RPL7: variants seen among roughly 807,000 people sequenced by gnomAD.
The protein encoded by RPL7 is ribosomal protein L7.
For synonymous variants in RPL7, 100 were observed against 102.2 expected (o/e 0.98, Z 0.13); for missense variants, 205 against 301.9 (o/e 0.68, Z 2.38).
rs1426928505 is a variant in RPL7 at position 73,290,304 on chromosome 8, A to G, written c.*403T>C. The G allele has an allele frequency of 1.3e-5, 2 of 152,258 alleles. No homozygotes were observed. The highest frequency in any genetic ancestry group is 2.9e-5 in the Non-Finnish European group (2 of 68,048). The allele number at this position is 152,258 out of a possible 1,614,324, so 9.4% of individuals were successfully genotyped here. A position where few individuals can be genotyped will look rare whatever the true frequency, so the allele number is the denominator to read the frequency against. On this transcript the variant is annotated 3_prime_UTR_variant, in exon 7 of 7. Transcript: ENST00000352983. ...TTTATAAACAAGCGAAGGCCCGAGA[A>G]ATAAATTTTAGCAACTAAATTCAAT...
At chr8:73,294,310 A>C (rs1410912066), upstream of RPL7, 1 of 152,752 alleles carries the variant, frequency 6.5e-6, no homozygotes, top group Non-Finnish European at 1.5e-5. Flanking sequence ...CGGCCGGAGG[A>C]GGATGGCCGG....
At chr8:73,292,007 G>C in intron 3 of RPL7, 97 bp from the exon 4 acceptor site, 1 of 1,456,302 alleles carries the variant, frequency 6.9e-7, no homozygotes, top group Non-Finnish European at 9.5e-7. Flanking sequence ...TACCTAAACA[G>C]ATAGGAATCC....
In RPL7 at chr8:73,292,974, C is replaced by A. The variant is rs533606494; in HGVS notation, c.15-177G>T. On this transcript the variant is annotated intron_variant, in intron 1 of 6. Transcript: ENST00000352983. ...GCATATTTTAGCTCCATGTCAATAACCTTTAACACCATGTTGCCTAAAACG... is the reference window on the plus strand; with the variant it reads ...GCATATTTTAGCTCCATGTCAATAAACTTTAACACCATGTTGCCTAAAACG... The A allele has an allele frequency of 6.6e-6, 3 of 454,722 alleles. No homozygotes were observed. In the South Asian group the frequency reaches 1.5e-4, roughly 23 times the overall value. The allele number at this position is 454,722 out of a possible 1,614,324, so 28.2% of individuals were successfully genotyped here. A position where few individuals can be genotyped will look rare whatever the true frequency, so the allele number is the denominator to read the frequency against.
At chr8:73,292,218 A>G (rs755801365) in intron 3 of RPL7, 21 bp downstream of exon 3, 2 of 1,596,200 alleles carry the variant, frequency 1.3e-6, no homozygotes, top group South Asian at 2.3e-5. Flanking sequence ...TCAAACCCGA[A>G]TGCAGTAAAA....
At chr8:73,292,492 T>C (rs1814126668) in intron 2 of RPL7, 87 bp from the exon 3 acceptor site, 2 of 1,301,524 alleles carry the variant, frequency 1.5e-6, no homozygotes, top group Admixed American at 4.4e-5. Flanking sequence ...ACAACATGTT[T>C]CCTTTAAATC....
upstream of RPL7, chr8:73,293,857 T>C: frequency 2.1e-6 from 1 of 478,348 alleles, no homozygotes; most frequent in South Asian, 2.1e-5. Flanking sequence ...GAGCAAAGAG[T>C]GCTGACACCT....
chr8:73,292,455 G>A (rs1814125151), intron 2 of RPL7, 50 bp from the exon 3 acceptor site: 1 of 1,490,316 alleles, frequency 6.7e-7, no homozygotes, highest in Non-Finnish European at 9.1e-7. Context: ...ATCACAATTA[G>A]CAATGCCAAT....
chr8:73,293,475 G>A (rs1223406096), intron 1 of RPL7, 124 bp downstream of exon 1: 2 of 1,243,644 alleles, frequency 1.6e-6, no homozygotes, highest in Non-Finnish European at 2.3e-6. Context: ...GTCACACAGC[G>A]TTCACAATCA....
At chr8:73,293,234 T>G in intron 1 of RPL7, 1 of 255,920 alleles carries the variant, frequency 3.9e-6, no homozygotes, top group Admixed American at 5.1e-5. Flanking sequence ...AGGATCCACA[T>G]GTTGAAAGCA....
At chr8:73,292,986 T>C (rs928908955) in intron 1 of RPL7, 189 bp from the exon 2 acceptor site, 2 of 438,084 alleles carry the variant, frequency 4.6e-6, no homozygotes, top group South Asian at 6.1e-5. Context: ...TTTAACACCA[T>C]GTTGCCTAAA....
chr8:73,292,433 AT>A, intron 2 of RPL7, 28 bp from the exon 3 acceptor site: 2 of 1,573,958 alleles, frequency 1.3e-6, no homozygotes, highest in African/African-American at 2.7e-5. Context: ...GTTATTCATA[AT>A]TTTTAGCTCA....
intron 2 of RPL7, 95 bp downstream of exon 2, chr8:73,292,594 C>A: frequency 9.2e-7 from 1 of 1,089,462 alleles, no homozygotes; most frequent in Admixed American, 2.1e-5. Context: ...TTACTCAGTA[C>A]AGTTAGGAAG....
At chr8:73,292,516 G>C (rs1262277974) in intron 2 of RPL7, 111 bp from the exon 3 acceptor site, 1 of 1,165,938 alleles carries the variant, frequency 8.6e-7, no homozygotes, top group East Asian at 2.4e-5. Context: ...TCTTGCCACA[G>C]TATGCAATTA....
At chr8:73,292,900 C>A in intron 1 of RPL7, 103 bp from the exon 2 acceptor site, 2 of 778,812 alleles carry the variant, frequency 2.6e-6, no homozygotes, top group Non-Finnish European at 4.2e-6. Flanking sequence ...CTGTCACTGA[C>A]TTTAGTCACT....
At chr8:73,290,984 G>C in intron 6 of RPL7, 59 bp downstream of exon 6, 2 of 1,323,680 alleles carry the variant, frequency 1.5e-6, no homozygotes, top group Non-Finnish European at 2.2e-6. Context: ...AAGTATTCAA[G>C]ATTACCACCA....
rs1814099987 is a variant in RPL7 at position 73,291,674 on chromosome 8, A to C, written c.429-13T>G. 1.3e-6 allele frequency: 2 copies of C among 1,590,666 alleles called. No homozygotes were observed. Among genetic ancestry groups the C allele is most frequent in the African/African-American group, 1.3e-5 (1 of 74,514 alleles). On this transcript the variant is annotated splice_polypyrimidine_tract_variant and intron_variant, in intron 4 of 6. Coordinates refer to ENST00000352983, the MANE Select transcript of RPL7 (RefSeq NM_000971.4). Reference sequence around the variant, plus strand: ...CAGATTGGGGTACCTGAAGTGAAAAAGCAAACATAAATAAGGTGACCACTG... The same window carrying C: ...CAGATTGGGGTACCTGAAGTGAAAACGCAAACATAAATAAGGTGACCACTG...
upstream of RPL7, chr8:73,293,703 G>C: frequency 6.6e-6 from 10 of 1,511,290 alleles, no homozygotes; most frequent in African/African-American, 1.4e-5. Context: ...AGGTGTCTTA[G>C]AATAAGCCGG....
rs756937373 is a variant in RPL7 at position 73,292,397 on chromosome 8, C to T, written c.132G>A (p.Lys44=). 2 of 1,594,652 alleles carry T rather than the reference C, an allele frequency of 1.3e-6. No individual in the cohort carries two copies. Among genetic ancestry groups the T allele is most frequent in the Non-Finnish European group, 1.7e-6 (2 of 1,176,324 alleles). ...TTTCATAGATAAGCTTCCTCCTTGC[C>T]TTTCGAAGCTGAAAACCAATAATCA... ...RKKFAQKMLR[K]ARRKLIYEKA... The change falls in exon 3 of 7, where the codon AAG becomes AAA. Residue 44 remains lysine, a synonymous_variant. Transcript: ENST00000352983.
intron 3 of RPL7, 120 bp from the exon 4 acceptor site, chr8:73,292,030 C>T: frequency 1.5e-6 from 2 of 1,337,200 alleles, no homozygotes; most frequent in South Asian, 1.4e-5. Flanking sequence ...TCATGTTACA[C>T]ACTGAATTTC....
Sources: gnomAD v4.1 joint callset for allele counts on GRCh38, gnomAD v4.1.1 for gene constraint, MANE v1.5 for transcripts, NCBI Gene and HGNC (gene_info 2026-07-23, HGNC 2026-07-21) for gene names.